Variants in ME1 observed in about 807,000 individuals in gnomAD.
ME1 encodes NADP-dependent malic enzyme.
In ME1, 74 loss-of-function variants were observed where a neutral mutation model predicts 66.4. The ratio of observed to expected loss-of-function variants is 1.11; its 90% CI spans 0.92 to 1.35. The LOEUF is 1.35. Among genes scored for constraint, ME1 ranks in the 40% most tolerant of loss-of-function variants. The probability of loss-of-function intolerance (pLI) is 0.00; values close to 1 mark genes in which losing one functional copy is unlikely to be tolerated. For missense variants in ME1, 750 were observed against 694.1 expected (o/e 1.08, Z -0.90); for synonymous variants, 251 against 235.6 (o/e 1.07, Z -0.60).
chr6:83,426,754 T>C (rs1218495995), intron 1 of ME1, among the ~76,000 whole-genome samples: 1 of 152,204 alleles, frequency 6.6e-6, no homozygotes, highest in African/African-American at 2.4e-5. Context: ...TACTGGAACG[T>C]AACTCTTAAA....
intron 3 of ME1, among the ~76,000 whole-genome samples, chr6:83,362,805 C>T (rs1364552329): frequency 2.0e-5 from 3 of 152,210 alleles, no homozygotes; most frequent in African/African-American, 7.2e-5. Context: ...TCACAGAATG[C>T]CTTATGCATC....
chr6:83,235,566 G>T (rs1790384090), intron 9 of ME1, among the ~76,000 whole-genome samples: 1 of 150,480 alleles, frequency 6.6e-6, no homozygotes, highest in Non-Finnish European at 1.5e-5. Flanking sequence ...CACCTCCTGG[G>T]TTTACACCAT....
intron 6 of ME1, among the ~76,000 whole-genome samples, chr6:83,294,107 T>C (rs555647956): frequency 7.9e-5 from 12 of 152,322 alleles, no homozygotes; most frequent in African/African-American, 2.6e-4. Context: ...GGGACATGGA[T>C]GAAGCTAAAC....
chr6:83,416,300 A>G (rs746549460), intron 1 of ME1, among the ~76,000 whole-genome samples: 1 of 152,244 alleles, frequency 6.6e-6, no homozygotes, highest in Non-Finnish European at 1.5e-5. Flanking sequence ...GTTTTAAAAT[A>G]AAGTCACTAA....
At chr6:83,417,743 TC>T (rs1770189614) in intron 1 of ME1, among the ~76,000 whole-genome samples, 1 of 152,178 alleles carries the variant, frequency 6.6e-6, no homozygotes, top group Non-Finnish European at 1.5e-5. Flanking sequence ...GATATTGATC[TC>T]TTTAAAAAAT....
chr6:83,219,315 T>C (rs1031249372), intron 12 of ME1, among the ~76,000 whole-genome samples: 1 of 152,216 alleles, frequency 6.6e-6, no homozygotes, highest in Non-Finnish European at 1.5e-5. Flanking sequence ...ACAAAATGAA[T>C]AGCACAATGT....
At chr6:83,411,495 A>G (rs972765673) in intron 1 of ME1, among the ~76,000 whole-genome samples, 1 of 152,186 alleles carries the variant, frequency 6.6e-6, no homozygotes, top group Non-Finnish European at 1.5e-5. Context: ...TGGATATTGT[A>G]TTATTTCTTT....
chr6:83,297,620 T>G (rs1393717827), intron 6 of ME1, among the ~76,000 whole-genome samples: 1 of 152,162 alleles, frequency 6.6e-6, no homozygotes, highest in Non-Finnish European at 1.5e-5. Flanking sequence ...AGGATACATG[T>G]GAGGGATGTG....
chr6:83,261,011 C>A (rs1041407455), intron 6 of ME1, among the ~76,000 whole-genome samples: 1 of 152,102 alleles, frequency 6.6e-6, no homozygotes, highest in Non-Finnish European at 1.5e-5. Context: ...GGTACTTCTG[C>A]TTTTATTTCT....
intron 5 of ME1, among the ~76,000 whole-genome samples, chr6:83,337,970 C>T (rs967373229): frequency 4.1e-5 from 1 of 24,552 alleles, no homozygotes; most frequent in Non-Finnish European, 6.7e-5. Flanking sequence ...CTGGCCAGGG[C>T]AATCAGGCAG....
chr6:83,290,618 A>T (rs979804899), intron 6 of ME1, among the ~76,000 whole-genome samples: 1 of 152,078 alleles, frequency 6.6e-6, no homozygotes, highest in South Asian at 2.1e-4. Context: ...TAGGGTGGAG[A>T]GTTCTGTAGA....
chr6:83,363,640 G>A (rs919480577), intron 3 of ME1, among the ~76,000 whole-genome samples: 12 of 152,204 alleles, frequency 7.9e-5, no homozygotes, highest in African/African-American at 2.7e-4. Context: ...GGTAGTAGAA[G>A]GTACTCATCA....
At chr6:83,325,355 G>A (rs567872659) in intron 5 of ME1, among the ~76,000 whole-genome samples, 1 of 152,044 alleles carries the variant, frequency 6.6e-6, no homozygotes, top group Non-Finnish European at 1.5e-5. Context: ...GTATTGGAAG[G>A]TCTGGCCAGG....
chr6:83,285,270 T>C (rs537354576), intron 6 of ME1, among the ~76,000 whole-genome samples: 45 of 152,284 alleles, frequency 3.0e-4, no homozygotes, highest in South Asian at 2.1e-3. Flanking sequence ...TCAAAAAGCA[T>C]AAAAGCTTTA....
At chr6:83,304,838 G>T (rs556128199) in intron 6 of ME1, among the ~76,000 whole-genome samples, 1 of 152,082 alleles carries the variant, frequency 6.6e-6, no homozygotes. Flanking sequence ...TACAAATTTT[G>T]TTGTAGCTTT....
At chr6:83,229,904 C>G (rs1211874731) in intron 9 of ME1, among the ~76,000 whole-genome samples, 2 of 152,140 alleles carry the variant, frequency 1.3e-5, no homozygotes, top group African/African-American at 2.4e-5. Flanking sequence ...GTCACTGCAG[C>G]CTTGAACTCC....
At chr6:83,419,468 T>C (rs868711440) in intron 1 of ME1, among the ~76,000 whole-genome samples, 13 of 152,228 alleles carry the variant, frequency 8.5e-5, no homozygotes, top group Admixed American at 1.3e-4. Context: ...ATCTGATTCA[T>C]GTCCTGTATC....
At chr6:83,348,593 G>A (rs544203868) in intron 4 of ME1, among the ~76,000 whole-genome samples, 1 of 151,410 alleles carries the variant, frequency 6.6e-6, no homozygotes, top group African/African-American at 2.4e-5. Flanking sequence ...GTTGTTATTT[G>A]GTTTCAAAAT....
intron 5 of ME1, among the ~76,000 whole-genome samples, chr6:83,327,537 G>A (rs749146591): frequency 2.0e-5 from 3 of 152,134 alleles, no homozygotes; most frequent in Non-Finnish European, 4.4e-5. Flanking sequence ...GCGCTCTCAG[G>A]CTTATTAGGA....
Sources: allele counts gnomAD v4.1 joint callset (sites outside exome capture counted in the v4.1 genomes callset), GRCh38; gene constraint gnomAD v4.1.1; transcripts MANE v1.5; gene names NCBI Gene and HGNC (gene_info 2026-07-23, HGNC 2026-07-21).